The following EGLN3 variants were observed in gnomAD, a reference collection of about 807,000 sequenced individuals.
EGLN3 encodes egl-9 family hypoxia inducible factor 3, also known as prolyl hydroxylase EGLN3.
In EGLN3, 15 loss-of-function variants were observed where a neutral mutation model predicts 26.0. The observed-to-expected ratio is 0.58, with a 90% CI of 0.39 to 0.89. The LOEUF is 0.89. Ranked by LOEUF, EGLN3 falls within the 40% of genes least tolerant of loss-of-function variation. EGLN3 has a pLI of 0.00. For missense variants in EGLN3, 238 were observed against 311.6 expected, an observed-to-expected ratio of 0.76 and a Z score of 1.78; for synonymous variants, 147 against 127.2, an observed-to-expected ratio of 1.16 and a Z score of -1.05.
At chr14:33,934,478 A>AAC (rs1555343507) in intron 1 of EGLN3, among the ~76,000 whole-genome samples, 10 of 151,998 alleles carry the variant, frequency 6.6e-5, no homozygotes, top group Middle Eastern at 3.4e-3. Context: ...AAAAAAAAAA[A>AAC]AAAACCTATC....
In EGLN3 at chr14:33,929,114, A is replaced by G; in HGVS notation, c.576T>C (p.Arg192=). The change falls in exon 3 of 5, where the codon CGT becomes CGC. Residue 192 remains arginine, a synonymous_variant. Coordinates refer to ENST00000250457, the MANE Select transcript of EGLN3 (RefSeq NM_022073.4). ...FDRLLFFWSD[R]RNPHEVQPSY... is the part of the protein sequence containing the mutation. ...AGGGCTGCACTTCGTGTGGGTTCCT[A>G]CGATCTGACCAGAAGAACAGGAGTC... 6.2e-7 allele frequency: 1 copy of G among 1,614,180 alleles called. No individual in the cohort carries two copies. The highest frequency in any genetic ancestry group is 8.5e-7 in the Non-Finnish European group (1 of 1,180,038).
chr14:33,945,290 A>T (rs2064509962), intron 1 of EGLN3, among the ~76,000 whole-genome samples: 2 of 152,228 alleles, frequency 1.3e-5, no homozygotes, highest in South Asian at 4.1e-4. Flanking sequence ...CTAATTGCAG[A>T]GATACCATTT....
At chr14:33,942,044 TGAA>T (rs1181338247) in intron 1 of EGLN3, among the ~76,000 whole-genome samples, 15 of 152,280 alleles carry the variant, frequency 9.9e-5, no homozygotes, top group African/African-American at 3.4e-4. Flanking sequence ...TAGTAGATAA[TGAA>T]GAAGGAGCAT....
Position 33,924,941 on chromosome 14 carries a change from TAAAAAAAAAAAA to T in EGLN3, c.*938_*949del, listed in dbSNP as rs35754061. ...GGGTGAGCTCATTAAAAAGGAAAAC[TAAAAAAAAAAAA>T]AAAAAAAAAACAGGAACACCCACAT... On this transcript the variant is annotated 3_prime_UTR_variant, in exon 5 of 5. Coordinates refer to ENST00000250457, the MANE Select transcript of EGLN3 (RefSeq NM_022073.4). 1 of 103,364 alleles carries T rather than the reference TAAAAAAAAAAAA, an allele frequency of 9.7e-6. No homozygotes were observed. 6.4% of individuals were successfully genotyped at this position (103,364 alleles called of 1,614,324 possible). A position where few individuals can be genotyped will look rare whatever the true frequency, so the allele number is the denominator to read the frequency against.
chr14:33,931,540 T>C (rs1041737492), intron 1 of EGLN3, among the ~76,000 whole-genome samples: 1 of 152,232 alleles, frequency 6.6e-6, no homozygotes, highest in African/African-American at 2.4e-5. Flanking sequence ...TCTTCAATAC[T>C]CCTTTTTGGA....
intron 2 of EGLN3, among the ~76,000 whole-genome samples, chr14:33,929,595 GCCCA>G (rs1486198896): frequency 3.3e-5 from 5 of 152,184 alleles, no homozygotes; most frequent in African/African-American, 1.2e-4. Context: ...CAGGTGATCC[GCCCA>G]CTAGGGCCTC....
intron 1 of EGLN3, among the ~76,000 whole-genome samples, chr14:33,934,679 G>A (rs540667854): frequency 4.6e-5 from 7 of 152,244 alleles, no homozygotes; most frequent in African/African-American, 1.2e-4. Flanking sequence ...AGGTGAGAAG[G>A]GGATACACCC....
At chr14:33,942,944 A>G (rs1427790523) in intron 1 of EGLN3, among the ~76,000 whole-genome samples, 1 of 152,210 alleles carries the variant, frequency 6.6e-6, no homozygotes, top group Non-Finnish European at 1.5e-5. Context: ...AATGAATCCA[A>G]TACAAGATGT....
chr14:33,950,345 G>A (rs1215614094), intron 1 of EGLN3, 51 bp downstream of exon 1: 1 of 1,547,844 alleles, frequency 6.5e-7, no homozygotes, highest in South Asian at 1.1e-5. Flanking sequence ...GACTCCGAGT[G>A]CCTCCCGTCC....
chr14:33,932,410 G>A (rs191207216), intron 1 of EGLN3, among the ~76,000 whole-genome samples: 132 of 152,206 alleles, frequency 8.7e-4, no homozygotes, highest in African/African-American at 2.9e-3. Context: ...AAATGGCAGC[G>A]TTGCTTCATT....
intron 1 of EGLN3, among the ~76,000 whole-genome samples, chr14:33,947,295 G>C (rs1222012201): frequency 2.0e-5 from 3 of 151,938 alleles, no homozygotes; most frequent in Non-Finnish European, 2.9e-5. Flanking sequence ...CTTGAAGTTA[G>C]GGGGGGCCAT....
chr14:33,946,679 A>C (rs1283305219), intron 1 of EGLN3, among the ~76,000 whole-genome samples: 1 of 152,244 alleles, frequency 6.6e-6, no homozygotes, highest in African/African-American at 2.4e-5. Flanking sequence ...CTGGAGTTAC[A>C]CAAATCTAGG....
At chr14:33,939,221 T>C (rs75190325) in intron 1 of EGLN3, among the ~76,000 whole-genome samples, 2 of 151,956 alleles carry the variant, frequency 1.3e-5, no homozygotes, top group African/African-American at 4.8e-5. Context: ...TTTTTTTTTT[T>C]CTTTTTTGAG....
At chr14:33,950,372 G>C (rs1405287718) in intron 1 of EGLN3, 24 bp downstream of exon 1, 1 of 1,609,098 alleles carries the variant, frequency 6.2e-7, no homozygotes, top group African/African-American at 1.3e-5. Context: ...GAGCAGCTGC[G>C]GCAGGGCGCC....
At chr14:33,938,327 T>G (rs2064456517) in intron 1 of EGLN3, among the ~76,000 whole-genome samples, 1 of 152,148 alleles carries the variant, frequency 6.6e-6, no homozygotes, top group Admixed American at 6.5e-5. Context: ...TGTGGTTAAT[T>G]CTTCTCCTTG....
intron 1 of EGLN3, among the ~76,000 whole-genome samples, chr14:33,936,971 CA>C (rs905513250): frequency 1.3e-5 from 2 of 152,216 alleles, no homozygotes; most frequent in Non-Finnish European, 1.5e-5. Context: ...ATTACTACTT[CA>C]ACCTTCTATC....
chr14:33,945,349 G>A (rs888720728), intron 1 of EGLN3, among the ~76,000 whole-genome samples: 1 of 152,166 alleles, frequency 6.6e-6, no homozygotes, highest in Non-Finnish European at 1.5e-5. Context: ...TAACTCTCAT[G>A]GGCCCTGGCA....
intron 3 of EGLN3, among the ~76,000 whole-genome samples, chr14:33,927,625 G>A (rs1171226258): frequency 6.6e-6 from 1 of 152,168 alleles, no homozygotes; most frequent in Non-Finnish European, 1.5e-5. Context: ...GCTCCAAGTA[G>A]GGGAGACAGG....
At chr14:33,938,360 T>C (rs1346089983) in intron 1 of EGLN3, among the ~76,000 whole-genome samples, 1 of 152,212 alleles carries the variant, frequency 6.6e-6, no homozygotes, top group South Asian at 2.1e-4. Context: ...CCAGAGCCCA[T>C]GCAATTAGGC....
Sources: gnomAD v4.1 joint callset for allele counts (sites outside exome capture counted in the v4.1 genomes callset) on GRCh38, gnomAD v4.1.1 for gene constraint, MANE v1.5 for transcripts, NCBI Gene and HGNC (gene_info 2026-07-23, HGNC 2026-07-21) for gene names.